The following ZNF385D variants were observed in gnomAD, a reference collection of about 807,000 sequenced individuals.
ZNF385D encodes the protein zinc finger protein 659.
ZNF385D carries 15 observed loss-of-function variants against 35.8 expected under a neutral mutation model. The ratio of observed to expected loss-of-function variants is 0.42; its 90% CI spans 0.28 to 0.64. The LOEUF (loss-of-function observed/expected upper bound fraction) is 0.64, where lower values mean the gene tolerates loss of function less well. Among genes scored for constraint, ZNF385D ranks in the 30% least tolerant of loss-of-function variants. The probability of loss-of-function intolerance (pLI) is 0.23; values close to 1 mark genes in which losing one functional copy is unlikely to be tolerated. For synonymous variants in ZNF385D, 212 were observed against 186.8 expected (o/e 1.13, Z -1.10); for missense variants, 474 against 494.6 (o/e 0.96, Z 0.39).
chr3:21,917,471 T>A (rs1390282860), intron 3 of ZNF385D, among the ~76,000 whole-genome samples: 1 of 152,096 alleles, frequency 6.6e-6, no homozygotes, highest in Admixed American at 6.6e-5. Context: ...CTAGAGAGAA[T>A]GGTGGTGCTT....
At position 22,297,006 on chromosome 3, in the gene ZNF385D, G is replaced by A. The variant is rs1559505080; in HGVS notation, c.106+75444C>T. Among the ~76,000 whole-genome samples the A allele has an allele frequency of 2.6e-5, 4 of 152,098 alleles. No homozygotes were observed. The South Asian group carries it at 8.3e-4, about 31-fold the overall frequency. ...AACATTTTCAGGGCCTGAGGTACAA[G>A]TATAAGTGGAGGCCCTCATACTCCC... On this transcript the variant is annotated intron_variant, in intron 2 of 5. Coordinates refer to the ZNF385D transcript ENST00000494108.
At chr3:22,166,888 A>T (rs1374704147) in intron 3 of ZNF385D, among the ~76,000 whole-genome samples, 1 of 152,276 alleles carries the variant, frequency 6.6e-6, no homozygotes, top group Admixed American at 6.5e-5. Context: ...CATAACCAAT[A>T]CAAACTTAAA....
chr3:21,746,765 G>T (rs1168622666), intron 1 of ZNF385D, among the ~76,000 whole-genome samples: 2 of 152,154 alleles, frequency 1.3e-5, no homozygotes, highest in Non-Finnish European at 2.9e-5. Flanking sequence ...GGAGTTAAAT[G>T]TTTCCACTGA....
At chr3:22,026,620 C>T (rs138009801) in intron 3 of ZNF385D, among the ~76,000 whole-genome samples, 62 of 152,258 alleles carry the variant, frequency 4.1e-4, no homozygotes, top group Admixed American at 1.4e-3. Context: ...TGCCAGAATG[C>T]GTAATTGGCA....
At chr3:21,548,472 T>G (rs1265718184) in intron 3 of ZNF385D, among the ~76,000 whole-genome samples, 1 of 152,226 alleles carries the variant, frequency 6.6e-6, no homozygotes, top group African/African-American at 2.4e-5. Flanking sequence ...CTACTGCATT[T>G]TATCTTCCTC....
intron 4 of ZNF385D, among the ~76,000 whole-genome samples, chr3:21,464,761 T>C (rs975089061): frequency 4.8e-5 from 3 of 62,606 alleles, no homozygotes; most frequent in African/African-American, 2.7e-4. Context: ...CACACACACT[T>C]ATGCAACTCA....
chr3:21,597,833 T>C (rs2064168587), intron 2 of ZNF385D, among the ~76,000 whole-genome samples: 1 of 152,244 alleles, frequency 6.6e-6, no homozygotes, highest in Admixed American at 6.5e-5. Flanking sequence ...GGACAGTCTT[T>C]AGAAGGTGTG....
At chr3:22,084,138 G>A (rs892094628) in intron 3 of ZNF385D, among the ~76,000 whole-genome samples, 1 of 152,184 alleles carries the variant, frequency 6.6e-6, no homozygotes, top group East Asian at 1.9e-4. Flanking sequence ...ATGCCAAATT[G>A]TAACGACCAT....
chr3:22,220,792 A>G (rs1024034956), intron 2 of ZNF385D, among the ~76,000 whole-genome samples: 5 of 152,062 alleles, frequency 3.3e-5, no homozygotes, highest in Non-Finnish European at 7.4e-5. Context: ...CACTTTCCCT[A>G]AGTATTATTT....
At chr3:21,883,226 T>G (rs1004403341) in intron 3 of ZNF385D, among the ~76,000 whole-genome samples, 1 of 151,982 alleles carries the variant, frequency 6.6e-6, no homozygotes, top group African/African-American at 2.4e-5. Context: ...TGTGATTATT[T>G]GATCTGTAAG....
In ZNF385D at chr3:22,367,187, G is replaced by A. The variant is rs541716034; in HGVS notation, c.106+5263C>T. On this transcript the variant is annotated intron_variant, in intron 2 of 5. Transcript: ENST00000494108. ...TACTAGACTATTCGAAACACTTTAC[G>A]TGTATCACCTTATTAAGTCTTCAAT... Among the ~76,000 whole-genome samples the A allele has an allele frequency of 2.4e-4, 37 of 152,150 alleles. No individual in the cohort carries two copies. The East Asian group carries it at 5.2e-3, about 21-fold the overall frequency.
At chr3:21,809,905 A>G (rs1245233522) in intron 3 of ZNF385D, among the ~76,000 whole-genome samples, 3 of 152,144 alleles carry the variant, frequency 2.0e-5, no homozygotes, top group Non-Finnish European at 4.4e-5. Context: ...GATAAAAATA[A>G]CCTGAAAACA....
At chr3:22,343,116 C>G (rs896220715) in intron 2 of ZNF385D, among the ~76,000 whole-genome samples, 4 of 152,058 alleles carry the variant, frequency 2.6e-5, no homozygotes, top group Non-Finnish European at 4.4e-5. Flanking sequence ...TTACATTTTC[C>G]TGCCTCTTTT....
chr3:22,148,754 A>G (rs1705031383), intron 3 of ZNF385D, among the ~76,000 whole-genome samples: 2 of 152,208 alleles, frequency 1.3e-5, no homozygotes, highest in Admixed American at 1.3e-4. Flanking sequence ...CTACCTGACT[A>G]TCTCCAAAGT....
At chr3:21,965,291 T>C (rs1702852944) in intron 3 of ZNF385D, among the ~76,000 whole-genome samples, 1 of 152,196 alleles carries the variant, frequency 6.6e-6, no homozygotes, top group African/African-American at 2.4e-5. Flanking sequence ...ATCAAATGAA[T>C]GCCACATATT....
At chr3:21,902,993 A>C (rs760723802) in intron 3 of ZNF385D, among the ~76,000 whole-genome samples, 7 of 152,168 alleles carry the variant, frequency 4.6e-5, no homozygotes, top group Non-Finnish European at 8.8e-5. Context: ...TTGAGACCAC[A>C]ACTCAAACTT....
rs140249700 is a variant in ZNF385D at position 21,728,647 on chromosome 3, A to T, written c.22+22248T>A. 1.8e-3 allele frequency among the ~76,000 whole-genome samples: 278 copies of T among 152,268 alleles called. 1 individual carries two copies. Among genetic ancestry groups the T allele is most frequent in the African/African-American group, 6.5e-3 (269 of 41,554 alleles). On this transcript the variant is annotated intron_variant, in intron 1 of 7. Transcript: ENST00000281523. Reference sequence around the variant, plus strand: ...AATTCTTACAGCATCAAAACAAGTTATGTATTTTTGCCACTTTACAGGTGA... The same window carrying T: ...AATTCTTACAGCATCAAAACAAGTTTTGTATTTTTGCCACTTTACAGGTGA...
chr3:22,316,109 T>C (rs960565317), intron 2 of ZNF385D, among the ~76,000 whole-genome samples: 2 of 152,186 alleles, frequency 1.3e-5, no homozygotes, highest in East Asian at 1.9e-4. Context: ...CATAACTCAA[T>C]TGGTCCTGTG....
intron 2 of ZNF385D, among the ~76,000 whole-genome samples, chr3:22,239,301 T>A (rs1435898917): frequency 1.3e-5 from 2 of 151,048 alleles, no homozygotes; most frequent in African/African-American, 4.9e-5. Context: ...CACGCTAAAA[T>A]GGTAACATTG....
Sources: gnomAD v4.1 joint callset for allele counts (sites outside exome capture counted in the v4.1 genomes callset) on GRCh38, gnomAD v4.1.1 for gene constraint, MANE v1.5 for transcripts, NCBI Gene and HGNC (gene_info 2026-07-23, HGNC 2026-07-21) for gene names.